WDR27: variants seen among roughly 807,000 people sequenced by gnomAD.
WDR27 encodes the protein WD repeat domain 27.
In WDR27, 100 loss-of-function variants were observed where a neutral mutation model predicts 114.4. The observed-to-expected ratio is 0.87, with a 90% CI of 0.74 to 1.03. WDR27 has a LOEUF of 1.03. WDR27 is among the 50% of genes least tolerant of loss of function. The pLI is 0.00. For synonymous variants in WDR27, 449 were observed against 423.1 expected, an observed-to-expected ratio of 1.06 and a Z score of -0.75; for missense variants, 1,129 against 1,092.9, an observed-to-expected ratio of 1.03 and a Z score of -0.47.
chr6:169,668,195 T>G lies in WDR27; in HGVS notation c.457-10A>C. The G allele has an allele frequency of 6.2e-7, 1 of 1,613,710 alleles. No individual in the cohort carries two copies. Among genetic ancestry groups the G allele is most frequent in the Non-Finnish European group, 8.5e-7 (1 of 1,179,720 alleles). ...TCACAGAAAATCGCTGCTATTAAAA[T>G]AAAGCCCAAATTATTCCTCTGTTCA... On this transcript the variant is annotated splice_polypyrimidine_tract_variant and intron_variant, in intron 4 of 25. Coordinates refer to ENST00000448612, the MANE Select transcript of WDR27 (RefSeq NM_182552.5).
the WDR27 span, among the ~76,000 whole-genome samples, chr6:169,430,371 G>C: frequency 3.3e-5 from 5 of 152,218 alleles, no homozygotes; most frequent in Non-Finnish European, 7.3e-5. Flanking sequence ...AGACGGTCTG[G>C]TAGAGAATCA....
Position 169,659,619 on chromosome 6 carries a change from C to T in WDR27, c.1130-101G>A. 1 of 1,114,462 alleles carries T rather than the reference C, an allele frequency of 9.0e-7. No homozygotes were observed. The allele number at this position is 1,114,462 out of a possible 1,614,324, so 69.0% of individuals were successfully genotyped here. Reference sequence around the variant, plus strand: ...CCCACCACACACAGCCCAGAGCCCACCACACACAGTCCAGGCCCCACCACA... The same window carrying T: ...CCCACCACACACAGCCCAGAGCCCATCACACACAGTCCAGGCCCCACCACA... On this transcript the variant is annotated intron_variant, in intron 10 of 25. Transcript: ENST00000448612. This position sits in a 1 kb window ranked among gnomAD's most constrained non-coding sequence, Gnocchi z 4.3.
intron 5 of WDR27, 153 bp from the exon 6 acceptor site, chr6:169,667,340 G>C: frequency 1.6e-6 from 2 of 1,236,398 alleles, no homozygotes; most frequent in Non-Finnish European, 2.0e-6. Context: ...TAATAAAAAT[G>C]TAGTAACACC....
intron 25 of WDR27, among the ~76,000 whole-genome samples, chr6:169,556,358 A>T (rs3006215): frequency 0.9 from 137,247 of 152,234 alleles, 62,313 homozygotes; most frequent in East Asian, 0.99. Flanking sequence ...GTCTCAGCCT[A>T]GTGAGACCCT....
intron 4 of WDR27, 136 bp from the exon 5 acceptor site, chr6:169,668,321 GA>G (rs1828462493): frequency 1.2e-6 from 1 of 827,018 alleles, no homozygotes; most frequent in African/African-American, 1.7e-5. Context: ...GTTAAAAGCC[GA>G]CACTGACTGG....
At chr6:169,494,234 G>T (rs1460494390) in intron 25 of WDR27, among the ~76,000 whole-genome samples, 1 of 152,084 alleles carries the variant, frequency 6.6e-6, no homozygotes, top group Non-Finnish European at 1.5e-5. Context: ...CCCTAATGGG[G>T]GTGGGCCTCA....
Position 169,667,718 on chromosome 6 carries a change from G to A in WDR27, c.660+264C>T, listed in dbSNP as rs185744291. Among the ~76,000 whole-genome samples, 143 of 152,322 alleles carry A rather than the reference G, an allele frequency of 9.4e-4. 1 individual carries two copies. Among genetic ancestry groups the A allele is most frequent in the Admixed American group, 1.2e-3 (19 of 15,308 alleles). On this transcript the variant is annotated intron_variant, in intron 5 of 25. Coordinates refer to ENST00000448612, the MANE Select transcript of WDR27 (RefSeq NM_182552.5). The stretch of plus-strand genomic sequence containing the variant: ...CGTGGAGAAGAATTCGTGCCTGGGC[G>A]CTCCCAGGCCCTGAATGCAGTTGTG...
chr6:169,487,386 A>G (rs1417959062), intron 25 of WDR27, among the ~76,000 whole-genome samples: 3 of 152,184 alleles, frequency 2.0e-5, no homozygotes, highest in Non-Finnish European at 4.4e-5. Flanking sequence ...TCCTCAAAGA[A>G]GCTGGGGAGA....
intron 23 of WDR27, among the ~76,000 whole-genome samples, chr6:169,584,138 T>TA (rs1562632221): frequency 6.6e-6 from 1 of 152,210 alleles, no homozygotes; most frequent in African/African-American, 2.4e-5. Context: ...CTTGTTAAGA[T>TA]ACAGATTTCA....
At position 169,521,153 on chromosome 6, in the gene WDR27, A is replaced by G. The variant is rs536674414; in HGVS notation, c.2645+51266T>C. Among the ~76,000 whole-genome samples the G allele has an allele frequency of 2.0e-5, 3 of 152,306 alleles. No homozygotes were observed. The South Asian group carries it at 6.2e-4, about 32-fold the overall frequency. On this transcript the variant is annotated intron_variant, in intron 25 of 25. Transcript: ENST00000448612. ...CCTAAAAGCAGCAAGAGAAAAGTAA[A>G]TAAAATGTAAAGGAGATCCGATTCA...
intron 2 of WDR27, among the ~76,000 whole-genome samples, chr6:169,687,198 C>T (rs1783219265): frequency 6.6e-6 from 1 of 151,986 alleles, no homozygotes; most frequent in South Asian, 2.1e-4. Context: ...CCCAATTATC[C>T]TGATTTGATC....
At chr6:169,642,752 C>T (rs1369069199) in intron 17 of WDR27, among the ~76,000 whole-genome samples, 3 of 152,200 alleles carry the variant, frequency 2.0e-5, no homozygotes, top group Non-Finnish European at 2.9e-5. Context: ...CCAGGTGTGG[C>T]CTTGCCTAGG....
chr6:169,645,023 TAAAAAAAAAAAATAAAAA>T lies in WDR27; in HGVS notation c.1658-1255_1658-1238del, dbSNP rs1820215709. Among the ~76,000 whole-genome samples, 3 of 46,944 alleles carry T rather than the reference TAAAAAAAAAAAATAAAAA, an allele frequency of 6.4e-5. 1 individual carries two copies. The highest frequency in any genetic ancestry group is 3.0e-4 in the African/African-American group (3 of 9,880). The allele number at this position is 46,944 out of a possible 152,430, so 30.8% of individuals were successfully genotyped here. A position where few individuals can be genotyped will look rare whatever the true frequency, so the allele number is the denominator to read the frequency against. ...GACTCCGTCTCAAAAAAAAAAAAAA[TAAAAAAAAAAAATAAAAA>T]AAAAAAAAAAAAAAAAAGAAAATCC... is the stretch of plus-strand genomic sequence containing the variant. On this transcript the variant is annotated intron_variant, in intron 16 of 25. Coordinates refer to ENST00000448612, the MANE Select transcript of WDR27 (RefSeq NM_182552.5).
intron 1 of WDR27, among the ~76,000 whole-genome samples, chr6:169,697,381 GC>G (rs1786426839): frequency 6.6e-6 from 1 of 152,136 alleles, no homozygotes; most frequent in Non-Finnish European, 1.5e-5. Context: ...TCTAGCGGTA[GC>G]CTCAGTGTCA....
Position 169,590,129 on chromosome 6 carries a change from C to T in WDR27, c.2425-7195G>A, listed in dbSNP as rs143781347. ...ACAGGACTACACCGATTCATTACAA[C>T]TATTTTGTAACTCTGTTGAGCCACA... On this transcript the variant is annotated intron_variant, in intron 23 of 25. Coordinates refer to ENST00000448612, the MANE Select transcript of WDR27 (RefSeq NM_182552.5). Among the ~76,000 whole-genome samples, 144 of 152,338 alleles carry T rather than the reference C, an allele frequency of 9.5e-4. 4 individuals are homozygous for T. Among genetic ancestry groups the T allele is most frequent in the Admixed American group, 8.4e-3 (129 of 15,306 alleles).
intron 23 of WDR27, among the ~76,000 whole-genome samples, chr6:169,592,158 G>A (rs995166152): frequency 5.3e-5 from 8 of 152,010 alleles, no homozygotes; most frequent in East Asian, 3.9e-4. Context: ...TCTTTTTTCC[G>A]GGGGTATTTG....
At chr6:169,488,991 A>C (rs1460620262) in intron 25 of WDR27, among the ~76,000 whole-genome samples, 3 of 150,104 alleles carry the variant, frequency 2.0e-5, no homozygotes, top group African/African-American at 7.4e-5. Flanking sequence ...TCCTTTGTAA[A>C]TTCCAATGTT....
At position 169,664,275 on chromosome 6, in the gene WDR27, G is replaced by A. The variant is rs551066667; in HGVS notation, c.795C>T (p.Phe265=). 371 of 1,613,932 alleles carry A rather than the reference G, an allele frequency of 2.3e-4. 8 individuals are homozygous for A. In the South Asian group the frequency reaches 3.6e-3, roughly 16 times the overall value. Residue 265 remains phenylalanine (F), a synonymous_variant, in exon 8 of 26, where the codon TTC becomes TTT. Coordinates refer to ENST00000448612, the MANE Select transcript of WDR27 (RefSeq NM_182552.5). ...GATAATGGTGTCCATCCATCAAACT[G>A]AAGATCCAAAGCTACAAAAGCAAAG... ...TGCADGQLWI[F]SLMDGHHYRR... is the part of the protein sequence containing the mutation.
intron 23 of WDR27, among the ~76,000 whole-genome samples, chr6:169,589,034 G>C (rs1480469380): frequency 6.6e-6 from 1 of 152,138 alleles, no homozygotes; most frequent in Non-Finnish European, 1.5e-5. Context: ...ACATGGTTTA[G>C]GGCATCCTCA....
Sources: gnomAD v4.1 joint callset for allele counts (sites outside exome capture counted in the v4.1 genomes callset) on GRCh38, gnomAD v4.1.1 for gene constraint, Gnocchi (gnomAD v3.1) non-coding constraint, MANE v1.5 for transcripts, NCBI Gene and HGNC (gene_info 2026-07-23, HGNC 2026-07-21) for gene names.